BPTF: variants seen among roughly 807,000 people sequenced by gnomAD.
BPTF encodes the protein nucleosome-remodeling factor subunit BPTF.
A neutral mutation model predicts 292.5 loss-of-function variants in BPTF; 18 were observed. The observed-to-expected ratio is 0.06, with a 90% CI of 0.04 to 0.09. The LOEUF (loss-of-function observed/expected upper bound fraction) is 0.09, where lower values mean the gene tolerates loss of function less well. Ranked by LOEUF, BPTF falls within the 10% of genes least tolerant of loss-of-function variation. The probability of loss-of-function intolerance (pLI) is 1.00; values close to 1 mark genes in which losing one functional copy is unlikely to be tolerated. For synonymous variants in BPTF, 1,225 were observed against 1,251.9 expected (o/e 0.98, Z 0.45); for missense variants, 2,726 against 3,498.7 (o/e 0.78, Z 5.57).
intron 26 of BPTF, 46 bp downstream of exon 26, chr17:67,966,702 A>G (rs534169030): frequency 1.5e-6 from 2 of 1,368,780 alleles, no homozygotes; most frequent in Admixed American, 2.6e-5. Flanking sequence ...GTCTCAGTGG[A>G]TGTTTTATTA....
chr17:67,973,379 A>T (rs1474789541), intron 26 of BPTF, among the ~76,000 whole-genome samples: 1 of 151,858 alleles, frequency 6.6e-6, no homozygotes, highest in Non-Finnish European at 1.5e-5. Context: ...CTCAAGAAAA[A>T]AAAATAAAAT....
intron 1 of BPTF, among the ~76,000 whole-genome samples, chr17:67,844,958 G>A (rs11657814): frequency 0.024 from 3,585 of 152,050 alleles, 66 homozygotes; most frequent in Non-Finnish European, 0.031. Context: ...GGTCAGGCTG[G>A]TCACGAACTT....
At chr17:67,978,593 G>A (rs1463538820) in intron 27 of BPTF, among the ~76,000 whole-genome samples, 3 of 151,898 alleles carry the variant, frequency 2.0e-5, no homozygotes, top group Admixed American at 1.3e-4. Context: ...CACCGTGCCC[G>A]GCCAGAAATT....
rs1396987605 is a variant in BPTF at position 67,945,936 on chromosome 17, T to G, written c.7228T>G (p.Leu2410Val). Reference sequence around the variant, plus strand: ...TCAAACTCTTTCATCAGGACAAACTTTAAATCAAGTTACTGTTTCATCCCC... The same window carrying G: ...TCAAACTCTTTCATCAGGACAAACTGTAAATCAAGTTACTGTTTCATCCCC... ...STQTLSSGQT[L>V]NQVTVSSPSR... Residue 2410 changes from leucine (L) to valine (V), a missense_variant, in exon 21 of 28, where the codon TTA (leucine) becomes GTA (valine). Leu to Val is a conservative substitution (Grantham distance 32). Around this residue, in one of 22 missense-constraint regions of BPTF, gnomAD observed 570 missense variants for 633.5 expected, o/e 0.90. Transcript: ENST00000306378. The G allele has an allele frequency of 6.2e-7, 1 of 1,613,954 alleles. No individual in the cohort carries two copies. Among genetic ancestry groups the G allele is most frequent in the African/African-American group, 1.3e-5 (1 of 74,888 alleles).
In BPTF at chr17:67,984,212, A is replaced by G. The variant is rs1364257726; in HGVS notation, c.*1924A>G. ...GTACTATTTATTCATATATATAAAT[A>G]TATATGGGCTTAATCATTTAAAATT... On this transcript the variant is annotated 3_prime_UTR_variant, in exon 28 of 28. Transcript: ENST00000306378. 1 of 152,612 alleles carries G rather than the reference A, an allele frequency of 6.6e-6. No homozygotes were observed. Among genetic ancestry groups the G allele is most frequent in the African/African-American group, 2.4e-5 (1 of 41,454 alleles). The allele number at this position is 152,612 out of a possible 1,614,324, so 9.5% of individuals were successfully genotyped here. A position where few individuals can be genotyped will look rare whatever the true frequency, so the allele number is the denominator to read the frequency against.
chr17:67,880,947 TTA>T lies in BPTF; in HGVS notation c.1864+5938_1864+5939del, dbSNP rs67013040. 3.1e-3 allele frequency among the ~76,000 whole-genome samples: 339 copies of T among 109,948 alleles called. 1 individual carries two copies. The highest frequency in any genetic ancestry group is 0.015 in the Middle Eastern group (3 of 196). 72.1% of individuals were successfully genotyped at this position (109,948 alleles called of 152,430 possible). A position where few individuals can be genotyped will look rare whatever the true frequency, so the allele number is the denominator to read the frequency against. On this transcript the variant is annotated intron_variant, in intron 4 of 27. Coordinates refer to ENST00000306378, the MANE Select transcript of BPTF (RefSeq NM_182641.4). ...AACAATTGAAGAGGGTGTATGTATA[TTA>T]TATATATATACACACACACACACAC... is the stretch of plus-strand genomic sequence containing the variant.
intron 4 of BPTF, chr17:67,886,312 G>C: frequency 6.2e-7 from 1 of 1,607,596 alleles, no homozygotes; most frequent in Non-Finnish European, 8.5e-7. Context: ...TTCAGGAAGA[G>C]ATAGGTAAGA....
chr17:67,924,670 G>A (rs1260109335), intron 15 of BPTF, 81 bp downstream of exon 15: 2 of 1,495,530 alleles, frequency 1.3e-6, no homozygotes, highest in Non-Finnish European at 1.8e-6. Context: ...CCTCCCATCA[G>A]CAGGGGGAGT....
chr17:67,956,888 C>G (rs2067000411), intron 23 of BPTF: 1 of 152,174 alleles, frequency 6.6e-6, no homozygotes, highest in Non-Finnish European at 1.5e-5. Context: ...GGCATGAACC[C>G]AGGAGGCGGA....
intron 7 of BPTF, among the ~76,000 whole-genome samples, chr17:67,897,857 A>G (rs1489799659): frequency 6.6e-6 from 1 of 152,212 alleles, no homozygotes; most frequent in Non-Finnish European, 1.5e-5. Context: ...GAAACTTGAT[A>G]AATAGAAATA....
intron 24 of BPTF, among the ~76,000 whole-genome samples, chr17:67,962,650 A>G (rs2067631481): frequency 1.3e-5 from 2 of 152,260 alleles, no homozygotes; most frequent in African/African-American, 4.8e-5. Flanking sequence ...CAAACATTAT[A>G]TTAACAGGAA....
intron 4 of BPTF, chr17:67,891,510 T>C (rs987225107): frequency 3.4e-5 from 6 of 176,398 alleles, no homozygotes; most frequent in East Asian, 1.5e-4. Context: ...GGCAACACTT[T>C]GTTAGTTTGC....
intron 7 of BPTF, among the ~76,000 whole-genome samples, chr17:67,897,341 C>CAAAAA (rs750678904): frequency 1.4e-3 from 25 of 17,744 alleles, no homozygotes; most frequent in Non-Finnish European, 2.6e-3. Flanking sequence ...AACTCTGTCT[C>CAAAAA]AAAAAAAAAA....
chr17:67,886,693 G>A (rs879849405), intron 4 of BPTF, among the ~76,000 whole-genome samples: 6 of 152,016 alleles, frequency 3.9e-5, no homozygotes, highest in Admixed American at 6.6e-5. Context: ...AGCTTTGGGC[G>A]ATTTTTTAGT....
chr17:67,982,297 G>A lies in BPTF; in HGVS notation c.*9G>A, dbSNP rs374235007. On this transcript the variant is annotated 3_prime_UTR_variant, in exon 28 of 28. Coordinates refer to ENST00000306378, the MANE Select transcript of BPTF (RefSeq NM_182641.4). Reference sequence around the variant, plus strand: ...AGTCTACAGCTTCTTAAAGTTCAGCGTGTTAACCTAACATAAAACACAGCA... The same window carrying A: ...AGTCTACAGCTTCTTAAAGTTCAGCATGTTAACCTAACATAAAACACAGCA... The A allele has an allele frequency of 3.0e-5, 48 of 1,606,760 alleles. No homozygotes were observed. Among genetic ancestry groups the A allele is most frequent in the Admixed American group, 3.3e-5 (2 of 59,804 alleles).
At chr17:67,842,354 C>A (rs1407586801) in intron 1 of BPTF, among the ~76,000 whole-genome samples, 1 of 152,130 alleles carries the variant, frequency 6.6e-6, no homozygotes, top group African/African-American at 2.4e-5. Flanking sequence ...CCAGTTACTC[C>A]TCCTTCAGAC....
At chr17:67,942,084 G>A (rs1555672175) in intron 19 of BPTF, among the ~76,000 whole-genome samples, 1 of 152,232 alleles carries the variant, frequency 6.6e-6, no homozygotes, top group Admixed American at 6.5e-5. Flanking sequence ...GGGAGGCCAA[G>A]CCAGGTGGAT....
At chr17:67,884,313 C>T (rs2060611784) in intron 4 of BPTF, among the ~76,000 whole-genome samples, 1 of 151,884 alleles carries the variant, frequency 6.6e-6, no homozygotes, top group Admixed American at 6.6e-5. Flanking sequence ...ACCATGTTGG[C>T]CAGGCTGCTC....
chr17:67,923,412 C>G (rs1351323037), intron 14 of BPTF, among the ~76,000 whole-genome samples: 1 of 146,124 alleles, frequency 6.8e-6, no homozygotes, highest in African/African-American at 2.5e-5. Flanking sequence ...CTTGACTTTA[C>G]TCCACCTTTG....
Sources: gnomAD v4.1 joint callset for allele counts (sites outside exome capture counted in the v4.1 genomes callset) on GRCh38, gnomAD v4.1.1 for gene constraint, gnomAD v4.1.1 regional missense constraint, MANE v1.5 for transcripts, NCBI Gene and HGNC (gene_info 2026-07-23, HGNC 2026-07-21) for gene names.